PACRG: variants seen among roughly 807,000 people sequenced by gnomAD.
PACRG encodes the protein parkin coregulated.
PACRG carries 29 observed loss-of-function variants against 29.7 expected under a neutral mutation model. The observed-to-expected ratio is 0.98, with a 90% CI of 0.73 to 1.33. PACRG has a LOEUF of 1.33. Among genes scored for constraint, PACRG ranks in the 40% most tolerant of loss-of-function variants. The pLI is 0.00. For synonymous variants in PACRG, 116 were observed against 118.7 expected (o/e 0.98, Z 0.15); for missense variants, 279 against 316.2 (o/e 0.88, Z 0.89).
chr6:163,218,720 G>A (rs546445754), intron 4 of PACRG, among the ~76,000 whole-genome samples: 5 of 152,268 alleles, frequency 3.3e-5, no homozygotes, highest in African/African-American at 4.8e-5. Flanking sequence ...CTCACAGGTC[G>A]CTCCCTCATC....
rs1562350032 is a variant in PACRG, at chr6:163,269,940, AAAG to A, written c.614-44884_614-44882del. ...AAAGAAAGAAAGAAAACAAAGAAAGAAAGAAAGAAAGAAAGAAAGAAAGAAAGA... is the reference window on the plus strand; with the variant it reads ...AAAGAAAGAAAGAAAACAAAGAAAGAAAAGAAAGAAAGAAAGAAAGAAAGA... On this transcript the variant is annotated intron_variant, in intron 4 of 4. Transcript: ENST00000366888. Among the ~76,000 whole-genome samples, 109 of 24,596 alleles carry A rather than the reference AAAG, an allele frequency of 4.4e-3. 1 individual carries two copies. The highest frequency in any genetic ancestry group is 0.017 in the African/African-American group (84 of 5,090). The allele number at this position is 24,596 out of a possible 152,430, so 16.1% of individuals were successfully genotyped here. A position where few individuals can be genotyped will look rare whatever the true frequency, so the allele number is the denominator to read the frequency against.
chr6:163,015,362 T>G (rs891719827), intron 2 of PACRG, among the ~76,000 whole-genome samples: 2 of 152,194 alleles, frequency 1.3e-5, no homozygotes, highest in Non-Finnish European at 1.5e-5. Flanking sequence ...AATTTTAGAA[T>G]GGTTTTGTTT....
intron 2 of PACRG, among the ~76,000 whole-genome samples, chr6:162,818,620 A>G (rs1358204153): frequency 6.6e-6 from 1 of 152,206 alleles, no homozygotes; most frequent in East Asian, 1.9e-4. Context: ...TAACTATATC[A>G]TATTATAAAC....
chr6:163,112,259 G>A (rs1160707378), intron 4 of PACRG, among the ~76,000 whole-genome samples: 3 of 152,192 alleles, frequency 2.0e-5, no homozygotes, highest in Admixed American at 2.0e-4. Flanking sequence ...GTTAATTTCA[G>A]TCATATAAGC....
intron 2 of PACRG, among the ~76,000 whole-genome samples, chr6:162,928,009 G>C (rs1440083620): frequency 6.6e-6 from 1 of 152,006 alleles, no homozygotes; most frequent in Non-Finnish European, 1.5e-5. Flanking sequence ...GTCTTTGTCT[G>C]GTTTTGGTAT....
chr6:163,237,020 T>A (rs1295214805), intron 4 of PACRG, among the ~76,000 whole-genome samples: 2 of 152,124 alleles, frequency 1.3e-5, no homozygotes, highest in Non-Finnish European at 2.9e-5. Context: ...CATGATCCAA[T>A]CACCTTCCAC....
At chr6:163,210,007 A>G (rs1402040790) in intron 4 of PACRG, among the ~76,000 whole-genome samples, 1 of 152,098 alleles carries the variant, frequency 6.6e-6, no homozygotes, top group African/African-American at 2.4e-5. Context: ...CTGTTGGGGG[A>G]CCTCAGTTCT....
intron 3 of PACRG, among the ~76,000 whole-genome samples, chr6:163,088,214 C>G (rs1233548124): frequency 6.6e-6 from 1 of 152,130 alleles, no homozygotes; most frequent in Non-Finnish European, 1.5e-5. Context: ...TAGCCTGGGT[C>G]CTTTTGTCCC....
chr6:163,203,441 C>G (rs1015454016), intron 4 of PACRG, among the ~76,000 whole-genome samples: 13 of 152,086 alleles, frequency 8.5e-5, no homozygotes, highest in African/African-American at 3.1e-4. Flanking sequence ...AAAAAACCCA[C>G]CAAACATTGT....
intron 2 of PACRG, among the ~76,000 whole-genome samples, chr6:162,897,482 T>A (rs1342249892): frequency 6.6e-6 from 1 of 152,214 alleles, no homozygotes; most frequent in Admixed American, 6.5e-5. Context: ...CCAGCTGGTA[T>A]AGAGATTTAT....
At chr6:162,766,750 T>C (rs1407503933) in intron 1 of PACRG, among the ~76,000 whole-genome samples, 1 of 152,154 alleles carries the variant, frequency 6.6e-6, no homozygotes, top group African/African-American at 2.4e-5. Flanking sequence ...ATTGGTTGCA[T>C]AAAATTATTT....
At chr6:162,747,365 C>CAT (rs1245333854) in intron 1 of PACRG, among the ~76,000 whole-genome samples, 3,575 of 44,626 alleles carry the variant, frequency 0.08, 472 homozygotes, top group South Asian at 0.27. Flanking sequence ...TATATATATA[C>CAT]ACATACATAT....
chr6:163,302,221 TTCTC>T (rs924010578), intron 4 of PACRG, among the ~76,000 whole-genome samples: 2 of 151,830 alleles, frequency 1.3e-5, no homozygotes, highest in Non-Finnish European at 2.9e-5. Context: ...TTAGATACTG[TTCTC>T]TCTCTCTCTC....
chr6:163,190,910 A>G (rs1409878647), intron 4 of PACRG: 4 of 455,938 alleles, frequency 8.8e-6, no homozygotes, highest in African/African-American at 8.0e-5. Context: ...ACACTCACCC[A>G]GTGCCCGTGT....
At chr6:162,962,123 C>T (rs886482392) in intron 2 of PACRG, among the ~76,000 whole-genome samples, 4 of 152,092 alleles carry the variant, frequency 2.6e-5, no homozygotes, top group African/African-American at 9.7e-5. Context: ...CCTTTTCTGG[C>T]CCTACCTCAT....
chr6:163,038,950 AT>A (rs1341177990), intron 2 of PACRG, among the ~76,000 whole-genome samples: 1 of 152,202 alleles, frequency 6.6e-6, no homozygotes, highest in Non-Finnish European at 1.5e-5. Context: ...GAAATGAAAT[AT>A]TTTATGAGTT....
At chr6:163,017,379 C>A (rs1425049122) in intron 2 of PACRG, among the ~76,000 whole-genome samples, 5 of 152,144 alleles carry the variant, frequency 3.3e-5, no homozygotes, top group Non-Finnish European at 7.4e-5. Context: ...TCTACAGGTT[C>A]TAAGGGTTGA....
At chr6:162,815,746 A>G (rs1787281473) in intron 2 of PACRG, among the ~76,000 whole-genome samples, 1 of 152,052 alleles carries the variant, frequency 6.6e-6, no homozygotes, top group African/African-American at 2.4e-5. Context: ...TTTTGGATTC[A>G]TATATTTGAT....
chr6:162,888,262 C>T (rs1013411535), intron 2 of PACRG, among the ~76,000 whole-genome samples: 7 of 152,054 alleles, frequency 4.6e-5, no homozygotes, highest in African/African-American at 1.4e-4. Context: ...CACTTCCCAT[C>T]CTGGAGTCTT....
Sources: allele counts gnomAD v4.1 joint callset (sites outside exome capture counted in the v4.1 genomes callset), GRCh38; gene constraint gnomAD v4.1.1; transcripts MANE v1.5; gene names NCBI Gene and HGNC (gene_info 2026-07-23, HGNC 2026-07-21).